The following ZNF536 variants were observed in gnomAD, a reference collection of about 807,000 sequenced individuals.
ZNF536 encodes the protein zinc finger protein 536.
A neutral mutation model predicts 84.5 loss-of-function variants in ZNF536; 13 were observed. The observed-to-expected ratio is 0.15, with a 90% confidence interval of 0.10 to 0.24. ZNF536 has a LOEUF of 0.24. ZNF536 is among the 10% of genes least tolerant of loss of function. The pLI is 1.00. For missense variants in ZNF536, 1,536 were observed against 1,747.5 expected (o/e 0.88, Z 2.16); for synonymous variants, 811 against 742.5 (o/e 1.09, Z -1.50).
At chr19:30,582,363 T>C (rs1004540701) in intron 1 of ZNF536, among the ~76,000 whole-genome samples, 6 of 150,158 alleles carry the variant, frequency 4.0e-5, no homozygotes, top group African/African-American at 9.9e-5. Flanking sequence ...CTGGCTTCTC[T>C]TCCTAGTTTC....
chr19:30,277,433 T>C (rs2045276655), intron 1 of ZNF536, among the ~76,000 whole-genome samples: 1 of 152,186 alleles, frequency 6.6e-6, no homozygotes, highest in Admixed American at 6.5e-5. Context: ...CTGATGTCTG[T>C]GTATCCTGAA....
chr19:30,342,448 A>G (rs2047595478), intron 2 of ZNF536, among the ~76,000 whole-genome samples: 1 of 152,198 alleles, frequency 6.6e-6, no homozygotes, highest in Admixed American at 6.5e-5. Context: ...GGACTCTGCT[A>G]TGTGCTGAGG....
At chr19:30,350,892 T>G (rs2047909708) in intron 2 of ZNF536, among the ~76,000 whole-genome samples, 1 of 152,210 alleles carries the variant, frequency 6.6e-6, no homozygotes, top group Non-Finnish European at 1.5e-5. Context: ...CACACAATGG[T>G]GCTTCATACT....
chr19:30,318,219 T>C (rs919145820), intron 2 of ZNF536, among the ~76,000 whole-genome samples: 2 of 152,252 alleles, frequency 1.3e-5, no homozygotes, highest in Admixed American at 1.3e-4. Context: ...AGTTGCATAT[T>C]TGCCCAGAAC....
intron 1 of ZNF536, among the ~76,000 whole-genome samples, chr19:30,667,040 G>A (rs1053047988): frequency 3.3e-5 from 5 of 152,032 alleles, no homozygotes; most frequent in African/African-American, 1.2e-4. Context: ...GGCCTACCTT[G>A]GTGTAAGCTC....
rs369611197 is a variant in ZNF536, at chr19:30,353,218, G to A, written c.-3+734G>A. 6.6e-5 allele frequency among the ~76,000 whole-genome samples: 10 copies of A among 152,104 alleles called. No individual in the cohort carries two copies. The East Asian group carries it at 1.2e-3, about 18-fold the overall frequency. On this transcript the variant is annotated intron_variant, in intron 3 of 5. Transcript: ENST00000585628. ...GTGCCGGGTTCCGGTATTAAGAATCGGAAGGGATAAGAAAAATTCAGGGAA... is the reference window on the plus strand; with the variant it reads ...GTGCCGGGTTCCGGTATTAAGAATCAGAAGGGATAAGAAAAATTCAGGGAA...
rs146290113 is a variant in ZNF536, at chr19:30,534,873, G to A, written c.2197G>A (p.Ala733Thr). ...SDIGEEAGRS[A>T]GVQQPALLRD... The stretch of plus-strand genomic sequence containing the variant: ...CATTGGCGAGGAGGCTGGGAGATCT[G>A]CCGGCGTCCAGCAACCAGCGCTGCT... Residue 733 changes from alanine (A) to threonine (T), a missense_variant, in exon 3 of 5, where the codon GCC (alanine) becomes ACC (threonine). Physicochemically the swap from Ala to Thr is moderately conservative, Grantham distance 58 (BLOSUM62 0). Coordinates refer to ENST00000355537, the MANE Select transcript of ZNF536 (RefSeq NM_014717.3). 6 of 1,613,426 alleles carry A rather than the reference G, an allele frequency of 3.7e-6. No homozygotes were observed. Among genetic ancestry groups the A allele is most frequent in the Non-Finnish European group, 5.1e-6 (6 of 1,179,534 alleles).
Position 30,654,901 on chromosome 19 carries a change from G to A in ZNF536, c.170-55856G>A, listed in dbSNP as rs191995089. 4.0e-5 allele frequency among the ~76,000 whole-genome samples: 6 copies of A among 151,302 alleles called. No homozygotes were observed. The East Asian group carries it at 5.9e-4, about 15-fold the overall frequency. Reference sequence around the variant, plus strand: ...CGTTGACTTTCTTTATCCCCAAGCAGCATTCAGGGCTAACTTTTCAGAAAT... The same window carrying A: ...CGTTGACTTTCTTTATCCCCAAGCAACATTCAGGGCTAACTTTTCAGAAAT... On this transcript the variant is annotated intron_variant, in intron 1 of 1. Transcript: ENST00000592773.
chr19:30,484,958 A>G (rs1363083103), intron 2 of ZNF536, among the ~76,000 whole-genome samples: 3 of 151,980 alleles, frequency 2.0e-5, no homozygotes, highest in African/African-American at 4.8e-5. Flanking sequence ...CCTGGCTAAC[A>G]TGGTGAAACC....
chr19:30,557,128 AT>A (rs1481861393), intron 4 of ZNF536, 28 bp from the exon 5 acceptor site: 2 of 1,613,124 alleles, frequency 1.2e-6, no homozygotes, highest in African/African-American at 2.7e-5. Flanking sequence ...TTTCTGGATT[AT>A]TTAATAAATC....
At chr19:30,277,064 AT>A (rs1265591152) in intron 1 of ZNF536, among the ~76,000 whole-genome samples, 2 of 152,084 alleles carry the variant, frequency 1.3e-5, no homozygotes, top group Non-Finnish European at 2.9e-5. Context: ...AAAGGAAGTG[AT>A]TTTCTAATTA....
intron 2 of ZNF536, among the ~76,000 whole-genome samples, chr19:30,303,748 C>T (rs2046262485): frequency 6.6e-6 from 1 of 152,188 alleles, no homozygotes; most frequent in African/African-American, 2.4e-5. Flanking sequence ...TTGCCTCGGC[C>T]TCCCAAAGTG....
chr19:30,329,197 A>G (rs1046745638), intron 2 of ZNF536, among the ~76,000 whole-genome samples: 1 of 152,352 alleles, frequency 6.6e-6, no homozygotes, highest in Middle Eastern at 3.4e-3. Context: ...ACACAACAGC[A>G]AGTGAACAGA....
intron 2 of ZNF536, among the ~76,000 whole-genome samples, chr19:30,332,604 G>C (rs567078062): frequency 6.6e-6 from 1 of 152,238 alleles, no homozygotes; most frequent in African/African-American, 2.4e-5. Context: ...TTCCCCAGTT[G>C]CTGGCTGGAT....
intron 1 of ZNF536, among the ~76,000 whole-genome samples, chr19:30,627,257 G>A (rs911493616): frequency 4.6e-5 from 7 of 151,940 alleles, no homozygotes; most frequent in Admixed American, 4.6e-4. Context: ...TCTGAGGTCA[G>A]GAGTTTGGAA....
chr19:30,252,323 A>G (rs2024658866), intron 1 of ZNF536, among the ~76,000 whole-genome samples: 1 of 152,206 alleles, frequency 6.6e-6, no homozygotes, highest in South Asian at 2.1e-4. Context: ...TCCATAGGGA[A>G]TACTCCCTGG....
chr19:30,642,594 G>C (rs1259454159), intron 1 of ZNF536, among the ~76,000 whole-genome samples: 1 of 152,202 alleles, frequency 6.6e-6, no homozygotes, highest in Non-Finnish European at 1.5e-5. Context: ...CTGAGCCTCG[G>C]GCTGTCATTA....
chr19:30,610,203 T>G (rs961144396), intron 1 of ZNF536, among the ~76,000 whole-genome samples: 2 of 152,258 alleles, frequency 1.3e-5, no homozygotes, highest in African/African-American at 4.8e-5. Context: ...ATTTTCTCAT[T>G]TTTTAATGAT....
At chr19:30,617,629 C>T (rs986652441) in intron 1 of ZNF536, among the ~76,000 whole-genome samples, 6 of 151,966 alleles carry the variant, frequency 3.9e-5, no homozygotes, top group Non-Finnish European at 7.4e-5. Flanking sequence ...GGATTACAGG[C>T]ATGAGCCACC....
Sources: gnomAD v4.1 joint callset for allele counts (sites outside exome capture counted in the v4.1 genomes callset) on GRCh38, gnomAD v4.1.1 for gene constraint, MANE v1.5 for transcripts, NCBI Gene and HGNC (gene_info 2026-07-23, HGNC 2026-07-21) for gene names.